The following HLA-DQB2 variants were observed in gnomAD, a reference collection of about 807,000 sequenced individuals.
HLA-DQB2 encodes the protein HLA class II histocompatibility antigen, DQ beta 2 chain.
HLA-DQB2 carries 24 observed loss-of-function variants against 29.2 expected under a neutral mutation model. That is an observed-to-expected ratio of 0.82 (90% CI 0.60 to 1.16). HLA-DQB2 has a LOEUF of 1.16. Ranked by LOEUF, HLA-DQB2 falls within the 50% of genes most tolerant of loss-of-function variation. The pLI, the probability that HLA-DQB2 is intolerant of heterozygous loss-of-function variation, is 0.00. For missense variants in HLA-DQB2, 273 were observed against 343.6 expected (o/e 0.79, Z 1.62); for synonymous variants, 104 against 133.1 (o/e 0.78, Z 1.51).
At chr6:32,762,479 T>C (rs1444553506) in intron 1 of HLA-DQB2, among the ~76,000 whole-genome samples, 4 of 152,236 alleles carry the variant, frequency 2.6e-5, no homozygotes. Context: ...CCAAGTGCCC[T>C]GTGAGGTTCA....
intron 5 of HLA-DQB2, chr6:32,757,028 T>TC: frequency 5.8e-6 from 8 of 1,370,504 alleles, no homozygotes; most frequent in Admixed American, 3.0e-5. Context: ...TGCTCTTCTT[T>TC]TTTTTTTTTG....
chr6:32,756,468 T>C lies in HLA-DQB2; in HGVS notation c.782-2A>G. Reference sequence around the variant, plus strand: ...TCCTCAGGAGTCAGTGCAGGAGTCCTGGAGAAGAGAGACGAGGCATGATCA... The same window carrying C: ...TCCTCAGGAGTCAGTGCAGGAGTCCCGGAGAAGAGAGACGAGGCATGATCA... On this transcript the variant is annotated splice_acceptor_variant, in intron 5 of 5. Coordinates refer to ENST00000437316, the MANE Select transcript of HLA-DQB2 (RefSeq NM_001300790.2). LOFTEE classifies it high-confidence loss of function. The C allele has an allele frequency of 6.4e-7, 1 of 1,571,706 alleles. No homozygotes were observed. The highest frequency in any genetic ancestry group is 8.7e-7 in the Non-Finnish European group (1 of 1,151,798).
At chr6:32,760,675 T>G (rs1395846626) in intron 2 of HLA-DQB2, among the ~76,000 whole-genome samples, 1 of 152,244 alleles carries the variant, frequency 6.6e-6, no homozygotes, top group Non-Finnish European at 1.5e-5. Flanking sequence ...ATTCAATAAT[T>G]TAGTGGCTTC....
intron 5 of HLA-DQB2, chr6:32,757,042 C>A: frequency 3.4e-6 from 4 of 1,173,122 alleles, no homozygotes; most frequent in East Asian, 3.3e-5. Context: ...TTTTTTGAGA[C>A]AGACTCTAGC....
In HLA-DQB2 at chr6:32,758,886, G is replaced by A. The variant is rs1764510205; in HGVS notation, c.610C>T (p.His204Tyr). The A allele has an allele frequency of 1.9e-6, 3 of 1,613,946 alleles. No individual in the cohort carries two copies. The highest frequency in any genetic ancestry group is 2.2e-5 in the East Asian group (1 of 44,898). ...RGDIYTCQVE[H>Y]PSLQSPITVE... ...GTGATGGGGCTCTGGAGGCTGGGGTGCTCCACTTGGCAGGTGTAGATGTCT... is the reference window on the plus strand; with the variant it reads ...GTGATGGGGCTCTGGAGGCTGGGGTACTCCACTTGGCAGGTGTAGATGTCT... Residue 204 changes from histidine (H) to tyrosine (Y), a missense_variant, in exon 3 of 6, where the codon CAC becomes TAC. Physicochemically the swap from His to Tyr is moderately conservative, Grantham distance 83. Transcript: ENST00000437316.
At chr6:32,762,002 A>C in intron 1 of HLA-DQB2, 76 bp from the exon 2 acceptor site, 1 of 1,540,130 alleles carries the variant, frequency 6.5e-7, no homozygotes, top group Non-Finnish European at 8.8e-7. Context: ...CGCACCCTTC[A>C]GCCGCTGCCC....
chr6:32,759,602 T>C (rs1173341328), intron 2 of HLA-DQB2, among the ~76,000 whole-genome samples: 2 of 152,250 alleles, frequency 1.3e-5, no homozygotes, highest in East Asian at 3.8e-4. Flanking sequence ...AAAATTATAG[T>C]AAATATTTAA....
At chr6:32,758,502 A>G (rs982622038) in intron 3 of HLA-DQB2, among the ~76,000 whole-genome samples, 12 of 151,974 alleles carry the variant, frequency 7.9e-5, no homozygotes, top group African/African-American at 2.9e-4. Context: ...AGCCAATTAA[A>G]CCTCTTCTCT....
At chr6:32,762,388 T>C (rs1483103157) in intron 1 of HLA-DQB2, among the ~76,000 whole-genome samples, 1 of 151,948 alleles carries the variant, frequency 6.6e-6, no homozygotes, top group Non-Finnish European at 1.5e-5. Context: ...GTTCTCATCC[T>C]GATGTAAGTA....
At chr6:32,758,800 G>T (rs3213483) in intron 3 of HLA-DQB2, 50 bp downstream of exon 3, 877,599 of 1,551,546 alleles carry the variant, frequency 0.57, 246,009 homozygotes, top group East Asian at 0.76. Context: ...CGGGAGCTCT[G>T]CCCTTTGTCT....
rs9276573 is a variant in HLA-DQB2, at chr6:32,757,894, G to C, written c.647-11C>G. ...ATTCAGACTGAGCCCCTAAGGAGCA[G>C]AACTGAGTGTGAGTGTTTGTCCCCA... is the stretch of plus-strand genomic sequence containing the variant. On this transcript the variant is annotated splice_polypyrimidine_tract_variant and intron_variant, in intron 3 of 5. Coordinates refer to ENST00000437316, the MANE Select transcript of HLA-DQB2 (RefSeq NM_001300790.2). 9,323 of 1,541,630 alleles carry C rather than the reference G, an allele frequency of 6.0e-3. 6 individuals carry two copies. The highest frequency in any genetic ancestry group is 0.011 in the Admixed American group (558 of 52,080).
At chr6:32,762,219 G>A (rs1764913307) in intron 1 of HLA-DQB2, among the ~76,000 whole-genome samples, 1 of 152,122 alleles carries the variant, frequency 6.6e-6, no homozygotes, top group Non-Finnish European at 1.5e-5. Flanking sequence ...AGTGAAGAGG[G>A]CAGTCGGACC....
intron 2 of HLA-DQB2, among the ~76,000 whole-genome samples, chr6:32,760,069 GAA>G (rs766024122): frequency 9.3e-6 from 1 of 108,086 alleles, no homozygotes; most frequent in Admixed American, 9.5e-5. Flanking sequence ...AAATTCATGA[GAA>G]AAAAATGATA....
rs565017750 is a variant in HLA-DQB2 at position 32,757,639 on chromosome 6, C to T, written c.757+134G>A. ...CAGTAAAATCAGATTCCAATGCCTC[C>T]TCCAATCTTGTCCTGTCTCCTCGCA... is the stretch of plus-strand genomic sequence containing the variant. On this transcript the variant is annotated intron_variant, in intron 4 of 5. Transcript: ENST00000437316. 4.3e-4 allele frequency: 326 copies of T among 757,738 alleles called. 1 individual carries two copies. Among genetic ancestry groups the T allele is most frequent in the African/African-American group, 3.3e-3 (190 of 56,818 alleles). 46.9% of individuals were successfully genotyped at this position (757,738 alleles called of 1,614,324 possible).
At position 32,761,811 on chromosome 6, in the gene HLA-DQB2, G is replaced by A. The variant is rs1476047644; in HGVS notation, c.213C>T (p.Asp71=). 4.4e-6 allele frequency: 7 copies of A among 1,600,412 alleles called. No homozygotes were observed. Among genetic ancestry groups the A allele is most frequent in the Non-Finnish European group, 6.0e-6 (7 of 1,173,604 alleles). Residue 71 remains aspartate (D), a synonymous_variant, in exon 2 of 6, where the codon GAC becomes GAT. Transcript: ENST00000437316. The stretch of plus-strand genomic sequence containing the variant: ...CGGTCACCGCCTGGAACTCCCCAAC[G>A]TCGCTGTCGAAGCGCCCGTACTCCT... The part of the protein sequence containing the change: ...NREEYGRFDS[D]VGEFQAVTEL...
intron 2 of HLA-DQB2, among the ~76,000 whole-genome samples, chr6:32,761,193 C>T (rs1331034518): frequency 6.6e-5 from 10 of 152,158 alleles, no homozygotes; most frequent in African/African-American, 1.7e-4. Flanking sequence ...GTGGAGCAGC[C>T]CTAACTCCAC....
At chr6:32,763,329 T>A (rs1005279710) in intron 1 of HLA-DQB2, 45 bp downstream of exon 1, 15 of 1,142,636 alleles carry the variant, frequency 1.3e-5, no homozygotes, top group Non-Finnish European at 1.8e-5. Flanking sequence ...AAGGAGAGCC[T>A]GTTCCCACAG....
intron 5 of HLA-DQB2, chr6:32,756,693 G>GTTT (rs1764289298): frequency 7.4e-7 from 1 of 1,343,750 alleles, no homozygotes; most frequent in African/African-American, 1.5e-5. Context: ...TTACCCTTCT[G>GTTT]GGTAATATGA....
chr6:32,759,257 T>A, intron 2 of HLA-DQB2, 126 bp from the exon 3 acceptor site: 1 of 1,174,864 alleles, frequency 8.5e-7, no homozygotes, highest in Non-Finnish European at 1.2e-6. Flanking sequence ...AGTCTTGGAT[T>A]AAGGTTCCTT....
Sources: allele counts gnomAD v4.1 joint callset (sites outside exome capture counted in the v4.1 genomes callset), GRCh38; gene constraint gnomAD v4.1.1; transcripts MANE v1.5; gene names NCBI Gene and HGNC (gene_info 2026-07-23, HGNC 2026-07-21).